PCCA: variants seen among roughly 807,000 people sequenced by gnomAD.
The protein encoded by PCCA is propionyl-CoA carboxylase subunit alpha.
PCCA carries 74 observed loss-of-function variants against 101.3 expected under a neutral mutation model. The observed-to-expected ratio is 0.73, with a 90% CI of 0.61 to 0.89. PCCA has a LOEUF of 0.89. PCCA is among the 40% of genes least tolerant of loss of function. The pLI is 0.00. For missense variants in PCCA, 891 were observed against 907.0 expected, an observed-to-expected ratio of 0.98 and a Z score of 0.23; for synonymous variants, 294 against 313.6, an observed-to-expected ratio of 0.94 and a Z score of 0.66.
At chr13:100,277,837 C>T (rs1388832482) in intron 12 of PCCA, among the ~76,000 whole-genome samples, 2 of 152,076 alleles carry the variant, frequency 1.3e-5, no homozygotes, top group Non-Finnish European at 2.9e-5. Flanking sequence ...ATATAATCAC[C>T]AAAATTTTAA....
chr13:100,488,893 C>T (rs2084648323), intron 21 of PCCA, among the ~76,000 whole-genome samples: 2 of 152,094 alleles, frequency 1.3e-5, no homozygotes, highest in South Asian at 4.1e-4. Context: ...CTTACCCCCA[C>T]TTTTATTTTT....
chr13:100,318,488 C>A (rs1335886229), intron 16 of PCCA, among the ~76,000 whole-genome samples: 1 of 128,106 alleles, frequency 7.8e-6, no homozygotes, highest in Non-Finnish European at 1.6e-5. Context: ...CCCCTCCCCC[C>A]ACCCCATGAC....
intron 12 of PCCA, among the ~76,000 whole-genome samples, chr13:100,276,213 CAAAAA>C (rs59671834): frequency 1.3e-4 from 13 of 102,124 alleles, no homozygotes; most frequent in African/African-American, 5.6e-4. Context: ...TTGTCTGTAC[CAAAAA>C]AAAAAAAAAA....
chr13:100,246,307 A>G (rs1219733104), intron 8 of PCCA, among the ~76,000 whole-genome samples: 1 of 152,036 alleles, frequency 6.6e-6, no homozygotes, highest in Non-Finnish European at 1.5e-5. Flanking sequence ...TTGGTGATGT[A>G]TTTTAATTCT....
At chr13:100,303,908 C>T (rs565608740) in intron 14 of PCCA, among the ~76,000 whole-genome samples, 19 of 152,224 alleles carry the variant, frequency 1.2e-4, no homozygotes, top group East Asian at 3.9e-4. Context: ...CATTATGTGA[C>T]GTTAAATAGC....
At chr13:100,505,236 G>A (rs1419335997) in intron 21 of PCCA, among the ~76,000 whole-genome samples, 4 of 152,164 alleles carry the variant, frequency 2.6e-5, no homozygotes, top group African/African-American at 9.7e-5. Context: ...CCAGATTATG[G>A]TATTTAGGTC....
intron 4 of PCCA, chr13:100,150,863 C>T (rs2053227185): frequency 6.4e-7 from 1 of 1,573,542 alleles, no homozygotes; most frequent in Non-Finnish European, 8.7e-7. Context: ...ATAAGTTGCA[C>T]CCTTAGGAAC....
intron 19 of PCCA, among the ~76,000 whole-genome samples, chr13:100,378,477 C>T (rs1472279397): frequency 4.6e-5 from 7 of 152,216 alleles, no homozygotes; most frequent in Admixed American, 4.6e-4. Context: ...GTATCTCTCA[C>T]TAGACTTGGG....
chr13:100,426,566 C>A (rs1175680246), intron 20 of PCCA, among the ~76,000 whole-genome samples: 1 of 152,148 alleles, frequency 6.6e-6, no homozygotes, highest in Non-Finnish European at 1.5e-5. Context: ...TTATCTACCT[C>A]TATGAGAGAC....
chr13:100,472,207 T>G (rs2083073357), intron 21 of PCCA, among the ~76,000 whole-genome samples: 1 of 152,124 alleles, frequency 6.6e-6, no homozygotes, highest in South Asian at 2.1e-4. Flanking sequence ...TTATTTCCCT[T>G]ACTGCGCATG....
intron 17 of PCCA, among the ~76,000 whole-genome samples, chr13:100,332,307 C>T (rs2069744831): frequency 6.6e-6 from 1 of 152,118 alleles, no homozygotes; most frequent in Admixed American, 6.5e-5. Context: ...TTGATCCTAA[C>T]ATTTAGTTTC....
At chr13:100,409,271 G>GTCCCCATT (rs767171897) in intron 19 of PCCA, among the ~76,000 whole-genome samples, 2 of 152,184 alleles carry the variant, frequency 1.3e-5, no homozygotes, top group Non-Finnish European at 2.9e-5. Flanking sequence ...AAGGTTTTGA[G>GTCCCCATT]TCCCCATTTC....
chr13:100,369,769 A>G (rs997176706), intron 19 of PCCA, among the ~76,000 whole-genome samples: 1 of 152,196 alleles, frequency 6.6e-6, no homozygotes, highest in South Asian at 2.1e-4. Flanking sequence ...GACTCTCTAC[A>G]TTCCACCTAT....
chr13:100,286,382 G>A (rs1017795439), intron 12 of PCCA, among the ~76,000 whole-genome samples: 1 of 152,100 alleles, frequency 6.6e-6, no homozygotes, highest in Non-Finnish European at 1.5e-5. Context: ...GGGTTAGACC[G>A]CAGAGGCTAA....
chr13:100,089,489 C>T (rs2046078819), intron 1 of PCCA, among the ~76,000 whole-genome samples: 1 of 152,268 alleles, frequency 6.6e-6, no homozygotes, highest in Non-Finnish European at 1.5e-5. Flanking sequence ...CCCGCACGCC[C>T]TCCGAGGCGG....
intron 19 of PCCA, among the ~76,000 whole-genome samples, chr13:100,415,110 C>G (rs1176438970): frequency 6.6e-6 from 1 of 151,836 alleles, no homozygotes; most frequent in Non-Finnish European, 1.5e-5. Context: ...TTCTTTCTAG[C>G]CCACAAGTCG....
chr13:100,429,970 T>A (rs1234580379), intron 20 of PCCA, among the ~76,000 whole-genome samples: 3 of 151,952 alleles, frequency 2.0e-5, no homozygotes, highest in Admixed American at 1.3e-4. Flanking sequence ...GTTTACCCAC[T>A]ATCTAGATTA....
intron 5 of PCCA, 130 bp downstream of exon 5, chr13:100,155,222 A>G (rs2053759488): frequency 1.4e-6 from 1 of 703,574 alleles, no homozygotes. Flanking sequence ...ATGTCACATG[A>G]GTTAAATGTG....
intron 6 of PCCA, among the ~76,000 whole-genome samples, chr13:100,187,216 T>A (rs1169051656): frequency 6.6e-6 from 1 of 152,204 alleles, no homozygotes; most frequent in Non-Finnish European, 1.5e-5. Flanking sequence ...ACCTGTTGAT[T>A]ATTAATTTTT....
Sources: gnomAD v4.1 joint callset for allele counts (sites outside exome capture counted in the v4.1 genomes callset) on GRCh38, gnomAD v4.1.1 for gene constraint, MANE v1.5 for transcripts, NCBI Gene and HGNC (gene_info 2026-07-23, HGNC 2026-07-21) for gene names.